NPLOC4: variants seen among roughly 807,000 people sequenced by gnomAD.
NPLOC4 encodes the protein nuclear protein localization protein 4 homolog.
NPLOC4 carries 18 observed loss-of-function variants against 80.6 expected under a neutral mutation model. The observed-to-expected ratio is 0.22, with a 90% CI of 0.15 to 0.33. NPLOC4 has a LOEUF of 0.33. NPLOC4 is among the 10% of genes least tolerant of loss of function. The pLI, the probability that NPLOC4 is intolerant of heterozygous loss-of-function variation, is 1.00. For missense variants in NPLOC4, 540 were observed against 786.1 expected, an observed-to-expected ratio of 0.69 and a Z score of 3.74; for synonymous variants, 313 against 301.5, an observed-to-expected ratio of 1.04 and a Z score of -0.39.
chr17:81,635,036 T>A lies in NPLOC4; in HGVS notation c.15+1880A>T, dbSNP rs9914232. 6.0e-3 allele frequency among the ~76,000 whole-genome samples: 907 copies of A among 152,038 alleles called. 14 individuals are homozygous for A. Among genetic ancestry groups the A allele is most frequent in the African/African-American group, 0.021 (869 of 41,482 alleles). ...TAGAGACCTCATCTCTATAAAAAAA[T>A]GTTTTTAATTAAAAAGATTTAAAGG... On this transcript the variant is annotated intron_variant, in intron 1 of 16. Transcript: ENST00000331134.
chr17:81,604,847 G>A (rs1325771271), intron 7 of NPLOC4, 120 bp from the exon 8 acceptor site: 1 of 881,474 alleles, frequency 1.1e-6, no homozygotes, highest in African/African-American at 1.7e-5. Flanking sequence ...CAAACCAATA[G>A]GGTGTGATGG....
At chr17:81,575,711 G>A (rs1329882399) in intron 12 of NPLOC4, among the ~76,000 whole-genome samples, 1 of 152,196 alleles carries the variant, frequency 6.6e-6, no homozygotes, top group Non-Finnish European at 1.5e-5. Context: ...CAGGGCACAC[G>A]CAGGCCTCCC....
intron 12 of NPLOC4, among the ~76,000 whole-genome samples, chr17:81,582,113 C>A (rs1211449403): frequency 6.6e-6 from 1 of 152,212 alleles, no homozygotes; most frequent in Non-Finnish European, 1.5e-5. Context: ...ATAGACAGAG[C>A]CAGTCGGAAG....
chr17:81,617,761 T>C (rs1327566415), intron 3 of NPLOC4, among the ~76,000 whole-genome samples: 2 of 145,972 alleles, frequency 1.4e-5, no homozygotes, highest in African/African-American at 5.1e-5. Context: ...CCTCCCTGCC[T>C]GATTCTCCTG....
chr17:81,635,842 C>G (rs538369109), intron 1 of NPLOC4, among the ~76,000 whole-genome samples: 2 of 152,340 alleles, frequency 1.3e-5, no homozygotes, highest in African/African-American at 4.8e-5. Flanking sequence ...AACCAAAATG[C>G]TCCTGTCCAA....
At chr17:81,609,008 A>G in intron 5 of NPLOC4, 186 bp from the exon 6 acceptor site, 1 of 498,084 alleles carries the variant, frequency 2.0e-6, no homozygotes, top group Non-Finnish European at 3.6e-6. Context: ...TTTTTAATTA[A>G]TTGTTTTTTG....
chr17:81,588,899 C>T (rs1188573039), intron 12 of NPLOC4, 45 bp downstream of exon 12: 1 of 1,563,632 alleles, frequency 6.4e-7, no homozygotes, highest in Non-Finnish European at 8.7e-7. Flanking sequence ...GACAGGTTCA[C>T]ACCATTCTCC....
Position 81,606,800 on chromosome 17 carries a change from G to A in NPLOC4, c.545C>T (p.Ala182Val), listed in dbSNP as rs1326735976. 1.2e-6 allele frequency: 2 copies of A among 1,611,304 alleles called. No homozygotes were observed. The highest frequency in any genetic ancestry group is 1.7e-6 in the Non-Finnish European group (2 of 1,178,916). The stretch of plus-strand genomic sequence containing the variant: ...AATCTTGCAGCTGATGTTCTCCAGG[G>A]CAACAAACTTCCCCCTACATAGAAG... ...TGGADKGKFV[A>V]LENISCKIKS... The change falls in exon 7 of 17, where the codon GCC (alanine) becomes GTC (valine). Residue 182 changes from alanine (A) to valine (V), a missense_variant. Transcript: ENST00000331134.
chr17:81,571,896 G>T, intron 13 of NPLOC4, 121 bp downstream of exon 13: 1 of 587,520 alleles, frequency 1.7e-6, no homozygotes, highest in Non-Finnish European at 2.9e-6. Context: ...GGTGGGCACT[G>T]CTCAAGGCAG....
At chr17:81,619,280 G>T (rs556740234) in intron 3 of NPLOC4, among the ~76,000 whole-genome samples, 1 of 152,206 alleles carries the variant, frequency 6.6e-6, no homozygotes, top group Non-Finnish European at 1.5e-5. Context: ...GGGAGGCTGA[G>T]GCAGGAGAAT....
In NPLOC4 at chr17:81,589,106, T is replaced by G; in HGVS notation, c.1121-2A>C. 6.2e-7 allele frequency: 1 copy of G among 1,611,670 alleles called. No individual in the cohort carries two copies. The highest frequency in any genetic ancestry group is 8.5e-7 in the Non-Finnish European group (1 of 1,178,628). On this transcript the variant is annotated splice_acceptor_variant, in intron 11 of 16. Coordinates refer to ENST00000331134, the MANE Select transcript of NPLOC4 (RefSeq NM_017921.4). LOFTEE classifies it high-confidence loss of function. ...AGTGGACTTGGTTGTCAGGACCACC[T>G]GCAAGAGAGAGACCTTTAAAAAGAG...
intron 10 of NPLOC4, 47 bp downstream of exon 10, chr17:81,597,198 T>C: frequency 1.4e-6 from 2 of 1,456,290 alleles, no homozygotes; most frequent in Non-Finnish European, 1.9e-6. Context: ...CAACACCATC[T>C]GTAACCAAGC....
chr17:81,568,322 C>G (rs1002873446), intron 14 of NPLOC4, among the ~76,000 whole-genome samples: 2 of 152,220 alleles, frequency 1.3e-5, no homozygotes, highest in African/African-American at 4.8e-5. Flanking sequence ...CACAGAGCTT[C>G]AAGAGTGCAC....
At chr17:81,605,542 G>A (rs1004805466) in intron 7 of NPLOC4, among the ~76,000 whole-genome samples, 35 of 151,736 alleles carry the variant, frequency 2.3e-4, no homozygotes, top group Middle Eastern at 3.4e-3. Flanking sequence ...CAGCTACTCC[G>A]GAGGCTGAGG....
chr17:81,636,810 G>A lies in NPLOC4; in HGVS notation c.15+106C>T, dbSNP rs974903081. ...GAAAGCCCTGGCGAGAGAAGAGAAAGGGGCCGAGTCGCGGCGCCGGCAGGC... is the reference window on the plus strand; with the variant it reads ...GAAAGCCCTGGCGAGAGAAGAGAAAAGGGCCGAGTCGCGGCGCCGGCAGGC... On this transcript the variant is annotated intron_variant, in intron 1 of 16. Transcript: ENST00000331134. The A allele has an allele frequency of 5.8e-6, 7 of 1,197,716 alleles. No individual in the cohort carries two copies. The Admixed American group carries it at 1.9e-4, about 33-fold the overall frequency. The allele number at this position is 1,197,716 out of a possible 1,614,324, so 74.2% of individuals were successfully genotyped here.
chr17:81,593,513 CTG>C (rs1255516704), intron 11 of NPLOC4, among the ~76,000 whole-genome samples: 1 of 152,026 alleles, frequency 6.6e-6, no homozygotes, highest in African/African-American at 2.4e-5. Context: ...TTTCAGAATT[CTG>C]TGTGTCGGCA....
chr17:81,604,817 T>C, intron 7 of NPLOC4, 90 bp from the exon 8 acceptor site: 5 of 1,222,984 alleles, frequency 4.1e-6, no homozygotes, highest in African/African-American at 1.5e-5. Context: ...TAAATATCTT[T>C]TACCTAGTTC....
chr17:81,606,315 T>A (rs1307741610), intron 7 of NPLOC4, among the ~76,000 whole-genome samples: 11 of 152,060 alleles, frequency 7.2e-5, no homozygotes, highest in Admixed American at 5.9e-4. Context: ...GCTCCCTCCT[T>A]CCTGAGCCAC....
chr17:81,594,274 CAAAAAAAAAAAAAAA>C lies in NPLOC4; in HGVS notation c.1120+1827_1120+1841del, dbSNP rs869281063. ...TGGGCGAAAGAGCGAGACTCCGTCT[CAAAAAAAAAAAAAAA>C]AAAAAAAAAAAAAAACTGACTCAAC... On this transcript the variant is annotated intron_variant, in intron 11 of 16. Coordinates refer to ENST00000331134, the MANE Select transcript of NPLOC4 (RefSeq NM_017921.4). Among the ~76,000 whole-genome samples, 9 of 53,668 alleles carry C rather than the reference CAAAAAAAAAAAAAAA, an allele frequency of 1.7e-4. 1 individual carries two copies. In the Admixed American group the frequency reaches 2.4e-3, roughly 14 times the overall value. 35.2% of individuals were successfully genotyped at this position (53,668 alleles called of 152,430 possible).
Sources: allele counts gnomAD v4.1 joint callset (sites outside exome capture counted in the v4.1 genomes callset), GRCh38; gene constraint gnomAD v4.1.1; transcripts MANE v1.5; gene names NCBI Gene and HGNC (gene_info 2026-07-23, HGNC 2026-07-21).